NRG1: variants seen among roughly 807,000 people sequenced by gnomAD.
NRG1 encodes the protein pro-neuregulin-1, membrane-bound isoform.
Under a neutral mutation model 63.8 loss-of-function variants are expected in NRG1, and 18 were observed. That is an observed-to-expected ratio of 0.28 (90% CI 0.19 to 0.42). The LOEUF (loss-of-function observed/expected upper bound fraction) is 0.42, where lower values mean the gene tolerates loss of function less well. NRG1 is among the 10% of genes least tolerant of loss of function. The pLI, the probability that NRG1 is intolerant of heterozygous loss-of-function variation, is 1.00. For synonymous variants in NRG1, 302 were observed against 301.3 expected (o/e 1.00, Z -0.02); for missense variants, 762 against 814.7 (o/e 0.94, Z 0.79).
chr8:32,049,640 A>G (rs890613971), intron 1 of NRG1, among the ~76,000 whole-genome samples: 3 of 152,190 alleles, frequency 2.0e-5, no homozygotes, highest in African/African-American at 7.2e-5. Flanking sequence ...TAGTGTAGGA[A>G]ATACAATATT....
At chr8:32,470,096 C>T (rs937258218) in intron 1 of NRG1, among the ~76,000 whole-genome samples, 162 of 145,608 alleles carry the variant, frequency 1.1e-3, no homozygotes, top group African/African-American at 3.6e-3. Context: ...TGGTCTTGAT[C>T]TCCTGACTTC....
intron 1 of NRG1, among the ~76,000 whole-genome samples, chr8:32,297,970 A>G (rs1855091189): frequency 6.6e-6 from 1 of 152,258 alleles, no homozygotes; most frequent in Admixed American, 6.5e-5. Flanking sequence ...GAACTAATTC[A>G]TGATTTATTT....
chr8:32,530,497 A>G (rs1418265174), intron 1 of NRG1, among the ~76,000 whole-genome samples: 2 of 152,202 alleles, frequency 1.3e-5, no homozygotes, highest in East Asian at 1.9e-4. Context: ...AGTACTTCCA[A>G]TAATAAATTA....
intron 9 of NRG1, among the ~76,000 whole-genome samples, chr8:32,758,800 G>T (rs149024317): frequency 6.6e-6 from 1 of 152,166 alleles, no homozygotes; most frequent in African/African-American, 2.4e-5. Flanking sequence ...GGCAACATGG[G>T]CACTAGGAAA....
intron 5 of NRG1, among the ~76,000 whole-genome samples, chr8:32,660,527 G>A: frequency 6.6e-6 from 1 of 152,114 alleles, no homozygotes; most frequent in Middle Eastern, 3.2e-3. Flanking sequence ...TGCAAAGTCG[G>A]ACGTGATTTA....
chr8:31,682,403 AC>A (rs1436332046), intron 1 of NRG1, among the ~76,000 whole-genome samples: 2 of 152,140 alleles, frequency 1.3e-5, no homozygotes, highest in Non-Finnish European at 2.9e-5. Flanking sequence ...GAGACAACCA[AC>A]AAATAAAGGA....
At chr8:31,797,722 A>T (rs557507986) in intron 1 of NRG1, among the ~76,000 whole-genome samples, 1 of 152,200 alleles carries the variant, frequency 6.6e-6, no homozygotes, top group Non-Finnish European at 1.5e-5. Flanking sequence ...TTGCAGCACT[A>T]TTTATTTATT....
chr8:32,728,049 C>G, exon 6 of NRG1: 1 of 1,613,988 alleles, frequency 6.2e-7, no homozygotes, highest in Non-Finnish European at 8.5e-7. Flanking sequence ...TGGTGAAAGA[C>G]CTTTCAAACC....
At chr8:31,716,586 C>A (rs1028117244) in intron 1 of NRG1, among the ~76,000 whole-genome samples, 1 of 152,198 alleles carries the variant, frequency 6.6e-6, no homozygotes, top group Non-Finnish European at 1.5e-5. Flanking sequence ...CCTCCACTTA[C>A]AAATTCTTTT....
chr8:31,880,829 G>A (rs557528550), intron 1 of NRG1, among the ~76,000 whole-genome samples: 112 of 152,230 alleles, frequency 7.4e-4, no homozygotes, highest in Admixed American at 1.1e-3. Context: ...TATTTGAATG[G>A]CTTAAAGGAG....
At chr8:32,640,157 C>T (rs1186394839) in intron 5 of NRG1, among the ~76,000 whole-genome samples, 1 of 152,004 alleles carries the variant, frequency 6.6e-6, no homozygotes, top group Non-Finnish European at 1.5e-5. Flanking sequence ...TGTATTGCTC[C>T]AGTAAATGTT....
At chr8:31,736,408 C>T (rs1814667576) in intron 1 of NRG1, among the ~76,000 whole-genome samples, 1 of 152,138 alleles carries the variant, frequency 6.6e-6, no homozygotes, top group African/African-American at 2.4e-5. Context: ...TTGGCTTATC[C>T]TCTATTATCC....
intron 1 of NRG1, among the ~76,000 whole-genome samples, chr8:31,933,356 C>A (rs1035295568): frequency 1.3e-5 from 2 of 152,058 alleles, no homozygotes. Flanking sequence ...TCTCGGCTCA[C>A]TGCAATCTCT....
intron 1 of NRG1, among the ~76,000 whole-genome samples, chr8:32,592,832 C>T (rs866869757): frequency 2.6e-5 from 4 of 152,096 alleles, no homozygotes; most frequent in Admixed American, 6.6e-5. Context: ...TGCCAATCCC[C>T]TGTGTGGCCA....
chr8:31,800,290 G>T (rs965884862), intron 1 of NRG1, among the ~76,000 whole-genome samples: 1 of 152,154 alleles, frequency 6.6e-6, no homozygotes, highest in African/African-American at 2.4e-5. Flanking sequence ...GTGGGGCGAG[G>T]TAACATCTGA....
chr8:31,870,172 A>G (rs185947672), intron 1 of NRG1, among the ~76,000 whole-genome samples: 33 of 152,162 alleles, frequency 2.2e-4, no homozygotes, highest in Middle Eastern at 3.4e-3. Flanking sequence ...TATCAGACAC[A>G]CTTATCTTGC....
At chr8:32,415,693 T>G (rs1815802250) in intron 1 of NRG1, among the ~76,000 whole-genome samples, 1 of 152,234 alleles carries the variant, frequency 6.6e-6, no homozygotes, top group Admixed American at 6.5e-5. Context: ...CTTGTTTCCA[T>G]GTACACTTCA....
chr8:32,549,214 C>T (rs1315082016), intron 1 of NRG1, among the ~76,000 whole-genome samples: 2 of 152,254 alleles, frequency 1.3e-5, no homozygotes, highest in African/African-American at 2.4e-5. Context: ...GCGCTTTGCA[C>T]GGGGGCCGTG....
At chr8:32,098,526 CCTTGA>C (rs1487264042) in intron 1 of NRG1, among the ~76,000 whole-genome samples, 4 of 152,126 alleles carry the variant, frequency 2.6e-5, no homozygotes, top group Non-Finnish European at 5.9e-5. Flanking sequence ...GTGTTTGAAG[CCTTGA>C]CTCTATTAGG....
Sources: gnomAD v4.1 joint callset for allele counts (sites outside exome capture counted in the v4.1 genomes callset) on GRCh38, gnomAD v4.1.1 for gene constraint, MANE v1.5 for transcripts, NCBI Gene and HGNC (gene_info 2026-07-23, HGNC 2026-07-21) for gene names.